SYCE1: variants seen among roughly 807,000 people sequenced by gnomAD.
The protein encoded by SYCE1 is cancer/testis antigen 76.
In SYCE1, 37 loss-of-function variants were observed where a neutral mutation model predicts 55.1. The observed-to-expected ratio is 0.67, with a 90% CI of 0.52 to 0.88. The LOEUF is 0.88. Ranked by LOEUF, SYCE1 falls within the 40% of genes least tolerant of loss-of-function variation. SYCE1 has a pLI of 0.00. For synonymous variants in SYCE1, 163 were observed against 159.4 expected (o/e 1.02, Z -0.17); for missense variants, 399 against 416.4 (o/e 0.96, Z 0.36).
chr10:133,557,953 G>A lies in SYCE1; in HGVS notation c.320-35C>T, dbSNP rs746861867. On this transcript the variant is annotated intron_variant, in intron 5 of 12. Transcript: ENST00000343131. ...GAGCAACAGGGCCCTATGAGAACCT[G>A]TCAAGGTATTGGGTTTTGGCAGGGG... The A allele has an allele frequency of 3.7e-6, 6 of 1,612,786 alleles. No individual in the cohort carries two copies. In the South Asian group the frequency reaches 5.5e-5, roughly 15 times the overall value.
chr10:133,567,604 C>T (rs191949472), upstream of SYCE1, among the ~76,000 whole-genome samples: 6 of 152,142 alleles, frequency 3.9e-5, no homozygotes, highest in Admixed American at 3.9e-4. Context: ...TCCTTTGGTC[C>T]ATTTCATTAC....
In SYCE1 at chr10:133,555,017, A is replaced by G. The variant is rs779270877; in HGVS notation, c.1031T>C (p.Phe344Ser). 1.9e-5 allele frequency: 29 copies of G among 1,549,750 alleles called. No individual in the cohort carries two copies. In the South Asian group the frequency reaches 3.2e-4, roughly 17 times the overall value. The change falls in exon 13 of 13, where the codon TTT becomes TCT. Residue 344 changes from phenylalanine to serine, a missense_variant. Physicochemically the swap from Phe to Ser is radical, Grantham distance 155. Coordinates refer to ENST00000343131, the MANE Select transcript of SYCE1 (RefSeq NM_001143764.3). ...TLHPDLSPRG[F>S]QEIKELF ...TCAAAATAGCTCCTTTATTTCCTGA[A>G]AGCCCCTTGGGCTAAGGTCGGGGTG...
At chr10:133,564,132 G>A (rs191628057) in intron 1 of SYCE1, among the ~76,000 whole-genome samples, 17 of 152,266 alleles carry the variant, frequency 1.1e-4, no homozygotes, top group African/African-American at 4.1e-4. Flanking sequence ...TGCATTAGGA[G>A]GTGGGGCCTT....
intron 1 of SYCE1, chr10:133,564,514 T>C (rs1851882290): frequency 8.7e-6 from 7 of 803,186 alleles, no homozygotes; most frequent in South Asian, 5.8e-5. Flanking sequence ...CCTGTTTACT[T>C]GCTTTGTCCT....
chr10:133,567,130 T>A (rs979553259), upstream of SYCE1, among the ~76,000 whole-genome samples: 1 of 149,500 alleles, frequency 6.7e-6, no homozygotes, highest in Non-Finnish European at 1.5e-5. Flanking sequence ...GGTTATGAGT[T>A]GAGGTTAGGG....
intron 1 of SYCE1, among the ~76,000 whole-genome samples, chr10:133,564,593 T>C (rs1041427358): frequency 2.6e-5 from 4 of 152,154 alleles, no homozygotes; most frequent in African/African-American, 9.7e-5. Flanking sequence ...GTTTCAGTAT[T>C]CAAACCTTCA....
chr10:133,556,702 G>A (rs1851691336), intron 8 of SYCE1, 57 bp downstream of exon 8: 1 of 1,528,576 alleles, frequency 6.5e-7, no homozygotes, highest in Non-Finnish European at 8.9e-7. Flanking sequence ...TGACCGTTTG[G>A]GCCTGGTGCT....
intron 3 of SYCE1, 81 bp from the exon 4 acceptor site, chr10:133,559,032 G>T: frequency 7.0e-7 from 1 of 1,431,260 alleles, no homozygotes; most frequent in Non-Finnish European, 9.6e-7. Context: ...TTTGCCTTCA[G>T]GTAAATCTAT....
At position 133,558,291 on chromosome 10, in the gene SYCE1, T is replaced by C. The variant is rs374052998; in HGVS notation, c.272-77A>G. Reference sequence around the variant, plus strand: ...GGGATGGGGCTTGCTCACGGTCACATGGGAAGCTGGGCACAGCCTTGGCCC... The same window carrying C: ...GGGATGGGGCTTGCTCACGGTCACACGGGAAGCTGGGCACAGCCTTGGCCC... On this transcript the variant is annotated intron_variant, in intron 4 of 12. Transcript: ENST00000343131. 1.6e-5 allele frequency: 24 copies of C among 1,527,630 alleles called. No individual in the cohort carries two copies. The African/African-American group carries it at 3.1e-4, about 20-fold the overall frequency. 94.6% of individuals were successfully genotyped at this position (1,527,630 alleles called of 1,614,324 possible). A position where few individuals can be genotyped will look rare whatever the true frequency, so the allele number is the denominator to read the frequency against.
chr10:133,567,683 C>T, upstream of SYCE1: 1 of 212,364 alleles, frequency 4.7e-6, no homozygotes, highest in Non-Finnish European at 9.7e-6. Context: ...CCTCCCTGTC[C>T]ATGGGTTACC....
At chr10:133,564,667 C>T (rs760245119) in intron 1 of SYCE1, among the ~76,000 whole-genome samples, 5 of 152,180 alleles carry the variant, frequency 3.3e-5, no homozygotes, top group Non-Finnish European at 5.9e-5. Flanking sequence ...GAGGCAGCCA[C>T]CGACGTTTGT....
Position 133,565,310 on chromosome 10 carries a change from G to C in SYCE1, c.73+147C>G, listed in dbSNP as rs990230995. 1.8e-5 allele frequency: 12 copies of C among 674,344 alleles called. No individual in the cohort carries two copies. The Admixed American group carries it at 3.9e-4, about 22-fold the overall frequency. 41.8% of individuals were successfully genotyped at this position (674,344 alleles called of 1,614,324 possible). A position where few individuals can be genotyped will look rare whatever the true frequency, so the allele number is the denominator to read the frequency against. ...GTGCGGGCAAGCACTCCCTCATCTT[G>C]GCCGAAATTTTTCTGAAGAAACCCG... On this transcript the variant is annotated intron_variant, in intron 1 of 12. Transcript: ENST00000343131.
intron 1 of SYCE1, among the ~76,000 whole-genome samples, chr10:133,565,033 TG>T (rs1277857992): frequency 1.3e-5 from 2 of 151,672 alleles, no homozygotes; most frequent in Non-Finnish European, 2.9e-5. Context: ...GGATGCTGGG[TG>T]GGGGGCCCCA....
chr10:133,556,575 CT>C (rs756053680), intron 8 of SYCE1, 183 bp downstream of exon 8: 68 of 663,138 alleles, frequency 1.0e-4, no homozygotes, highest in Middle Eastern at 9.9e-4. Flanking sequence ...AGAGATCCCC[CT>C]GACCACTGAG....
intron 7 of SYCE1, 25 bp downstream of exon 7, chr10:133,557,042 C>T (rs893044383): frequency 1.9e-6 from 3 of 1,609,434 alleles, no homozygotes; most frequent in South Asian, 2.2e-5. Context: ...CATCCAAACC[C>T]CCTGCCTCAG....
rs755459110 is a variant in SYCE1, at chr10:133,558,895, G to T, written c.253C>A (p.Gln85Lys). ...CTCTTACGCGAGTCCAGTTCCTTCT[G>T]CAGGGCCTCACAGATGGTCCGGGCC... ...GEARTICEAL[Q>K]KELDSLHGEK... The change falls in exon 4 of 13, where the codon CAG (glutamine) becomes AAG (lysine). Residue 85 changes from glutamine to lysine, a missense_variant. Transcript: ENST00000343131. 4.5e-5 allele frequency: 73 copies of T among 1,613,422 alleles called. No individual in the cohort carries two copies. The highest frequency in any genetic ancestry group is 5.8e-5 in the Non-Finnish European group (69 of 1,179,892).
chr10:133,555,895 C>G lies in SYCE1; in HGVS notation c.604G>C (p.Val202Leu), dbSNP rs1445991294. 1.2e-6 allele frequency: 2 copies of G among 1,613,852 alleles called. No homozygotes were observed. Among genetic ancestry groups the G allele is most frequent in the Non-Finnish European group, 8.5e-7 (1 of 1,179,922 alleles). The change falls in exon 10 of 13, where the codon GTC becomes CTC. Residue 202 changes from valine to leucine, a missense_variant. Physicochemically the swap from Val to Leu is conservative, Grantham distance 32. Coordinates refer to ENST00000343131, the MANE Select transcript of SYCE1 (RefSeq NM_001143764.3). ...TTCACGTCTTCCAGTGTCGCCTTGA[C>G]CAGCTTCTCTGCAGCACAAAGGGGC... ...KEQLLKEEKL[V>L]KATLEDVKHQ... is the part of the protein sequence containing the mutation.
upstream of SYCE1, among the ~76,000 whole-genome samples, chr10:133,566,557 CGGGGT>C (rs1851939065): frequency 1.3e-5 from 1 of 78,978 alleles, no homozygotes; most frequent in Admixed American, 1.6e-4. Flanking sequence ...GGGCTAGGGT[CGGGGT>C]AGGGGTAGGG....
chr10:133,568,059 G>T (rs1242354980), upstream of SYCE1: 22 of 639,544 alleles, frequency 3.4e-5, no homozygotes, highest in East Asian at 6.7e-4. Context: ...GGTGCGGCCC[G>T]GGGGCCAGAT....
Sources: gnomAD v4.1 joint callset for allele counts (sites outside exome capture counted in the v4.1 genomes callset) on GRCh38, gnomAD v4.1.1 for gene constraint, MANE v1.5 for transcripts, NCBI Gene and HGNC (gene_info 2026-07-23, HGNC 2026-07-21) for gene names.